BNC2: variants seen among roughly 807,000 people sequenced by gnomAD.
BNC2 encodes the protein zinc finger protein basonuclin-2.
BNC2 carries 20 observed loss-of-function variants against 76.3 expected under a neutral mutation model. The ratio of observed to expected loss-of-function variants is 0.26; its 90% CI spans 0.18 to 0.38. The LOEUF is 0.38. BNC2 is among the 10% of genes least tolerant of loss of function. The pLI is 1.00. For synonymous variants in BNC2, 582 were observed against 514.8 expected (o/e 1.13, Z -1.77); for missense variants, 1,382 against 1,399.8 (o/e 0.99, Z 0.20).
chr9:16,793,867 T>G lies in BNC2; in HGVS notation c.4-55382A>C, dbSNP rs1172823655. ...TTGTTTTTTGTGGTTTTTGTTTTTT[T>G]GTTTTTTTTTTTTTTTAGTAGAGAC... On this transcript the variant is annotated intron_variant, in intron 1 of 6. Transcript: ENST00000380672. 2.7e-5 allele frequency among the ~76,000 whole-genome samples: 3 copies of G among 110,978 alleles called. No individual in the cohort carries two copies. The South Asian group carries it at 9.6e-4, about 36-fold the overall frequency. The allele number at this position is 110,978 out of a possible 152,430, so 72.8% of individuals were successfully genotyped here. A position where few individuals can be genotyped will look rare whatever the true frequency, so the allele number is the denominator to read the frequency against.
chr9:16,659,602 G>A (rs371537527), intron 3 of BNC2, among the ~76,000 whole-genome samples: 157 of 99,016 alleles, frequency 1.6e-3, no homozygotes, highest in Non-Finnish European at 2.0e-3. Flanking sequence ...GCGAGACTCC[G>A]TCTCAAAAAA....
chr9:16,585,369 A>G (rs773084722), intron 3 of BNC2, among the ~76,000 whole-genome samples: 8 of 152,094 alleles, frequency 5.3e-5, no homozygotes, highest in Non-Finnish European at 1.0e-4. Flanking sequence ...TATGAATTCT[A>G]TTCTTTTTGT....
At chr9:16,617,660 G>A (rs1271823158) in intron 3 of BNC2, among the ~76,000 whole-genome samples, 1 of 152,144 alleles carries the variant, frequency 6.6e-6, no homozygotes, top group Admixed American at 6.6e-5. Context: ...CCAGGGGTTA[G>A]GTTTCACTAA....
intron 1 of BNC2, chr9:16,867,512 ACTC>A (rs1453479205): frequency 2.0e-5 from 3 of 152,152 alleles, no homozygotes; most frequent in Admixed American, 6.5e-5. Flanking sequence ...ACTAAATTGA[ACTC>A]CTCATATTCA....
chr9:16,690,164 C>A (rs531072397), intron 3 of BNC2, among the ~76,000 whole-genome samples: 1 of 152,206 alleles, frequency 6.6e-6, no homozygotes, highest in East Asian at 1.9e-4. Context: ...GAAGAAGGAA[C>A]CCACTGCTCA....
intron 3 of BNC2, among the ~76,000 whole-genome samples, chr9:16,665,434 AAAAGAAAGAAAGAAAG>A (rs56038950): frequency 0.014 from 1,621 of 115,992 alleles, 28 homozygotes; most frequent in South Asian, 0.026. Flanking sequence ...GAAAGGAAAG[AAAAGAAAGAAAGAAAG>A]AAAGAAAGAA....
intron 1 of BNC2, among the ~76,000 whole-genome samples, chr9:16,851,493 G>A (rs1242228181): frequency 6.6e-6 from 1 of 152,120 alleles, no homozygotes; most frequent in Non-Finnish European, 1.5e-5. Flanking sequence ...GTGACAGGGT[G>A]AGACCCTGTC....
chr9:16,442,086 A>G (rs1432914704), intron 5 of BNC2, among the ~76,000 whole-genome samples: 1 of 152,210 alleles, frequency 6.6e-6, no homozygotes, highest in Non-Finnish European at 1.5e-5. Context: ...TTGTAACCAG[A>G]GTACAGTGAC....
intron 6 of BNC2, chr9:16,434,810 T>C (rs1327361690): frequency 2.2e-6 from 1 of 456,030 alleles, no homozygotes; most frequent in African/African-American, 2.0e-5. Flanking sequence ...CCTCAAAGTA[T>C]ATGCATGCCT....
intron 4 of BNC2, among the ~76,000 whole-genome samples, chr9:16,582,197 T>G (rs1819645868): frequency 6.6e-6 from 1 of 151,574 alleles, no homozygotes; most frequent in Non-Finnish European, 1.5e-5. Flanking sequence ...CTTTTTAAAT[T>G]CTACAGTCTG....
chr9:16,581,894 T>G (rs137916961), intron 4 of BNC2, among the ~76,000 whole-genome samples: 1 of 152,224 alleles, frequency 6.6e-6, no homozygotes, highest in Non-Finnish European at 1.5e-5. Flanking sequence ...AACATACCCC[T>G]TCCCGGGTAT....
At chr9:16,853,672 G>C (rs985252618) in intron 1 of BNC2, among the ~76,000 whole-genome samples, 7 of 152,100 alleles carry the variant, frequency 4.6e-5, no homozygotes, top group African/African-American at 1.7e-4. Flanking sequence ...TTCAAGACCA[G>C]CCTGGCCAAC....
intron 3 of BNC2, among the ~76,000 whole-genome samples, chr9:16,653,018 T>A (rs1821834912): frequency 6.6e-6 from 1 of 152,194 alleles, no homozygotes; most frequent in African/African-American, 2.4e-5. Context: ...TGTTGGCGGT[T>A]ATATGTTTCT....
intron 1 of BNC2, among the ~76,000 whole-genome samples, chr9:16,829,341 G>C (rs998022929): frequency 6.6e-6 from 1 of 152,144 alleles, no homozygotes; most frequent in African/African-American, 2.4e-5. Context: ...TTTACCAAAT[G>C]AATGGTTTTG....
chr9:16,694,464 C>A (rs1360581916), intron 3 of BNC2, among the ~76,000 whole-genome samples: 14 of 152,120 alleles, frequency 9.2e-5, no homozygotes, highest in African/African-American at 3.4e-4. Context: ...GCAAATTACT[C>A]TGGACTAGCA....
At chr9:16,541,108 A>G (rs1818307304) in intron 5 of BNC2, among the ~76,000 whole-genome samples, 1 of 152,182 alleles carries the variant, frequency 6.6e-6, no homozygotes, top group African/African-American at 2.4e-5. Context: ...CAGGATCCAA[A>G]TGTCTTGTAC....
chr9:16,540,230 C>T (rs1818277772), intron 5 of BNC2, among the ~76,000 whole-genome samples: 1 of 144,168 alleles, frequency 6.9e-6, no homozygotes, highest in South Asian at 2.2e-4. Context: ...GTGAAATTCT[C>T]AAACTTGCAA....
At chr9:16,444,915 C>A (rs147626344) in intron 5 of BNC2, among the ~76,000 whole-genome samples, 1 of 152,188 alleles carries the variant, frequency 6.6e-6, no homozygotes, top group Non-Finnish European at 1.5e-5. Context: ...GATCTGACTG[C>A]TCCCTACTAT....
intron 1 of BNC2, among the ~76,000 whole-genome samples, chr9:16,821,229 G>A (rs550548442): frequency 2.3e-3 from 283 of 124,372 alleles, no homozygotes; most frequent in Admixed American, 3.6e-3. Context: ...ACAAAACTCC[G>A]TCTCAAAAAA....
Sources: gnomAD v4.1 joint callset for allele counts (sites outside exome capture counted in the v4.1 genomes callset) on GRCh38, gnomAD v4.1.1 for gene constraint, MANE v1.5 for transcripts, NCBI Gene and HGNC (gene_info 2026-07-23, HGNC 2026-07-21) for gene names.